The following IL23R variants were observed in gnomAD, a reference collection of about 807,000 sequenced individuals.
IL23R encodes the protein interleukin-23 receptor.
IL23R carries 34 observed loss-of-function variants against 56.9 expected under a neutral mutation model. The ratio of observed to expected loss-of-function variants is 0.60; its 90% CI spans 0.45 to 0.80. The LOEUF (loss-of-function observed/expected upper bound fraction) is 0.80, where lower values mean the gene tolerates loss of function less well. Ranked by LOEUF, IL23R falls within the 30% of genes least tolerant of loss-of-function variation. The pLI is 0.00. For synonymous variants in IL23R, 230 were observed against 249.2 expected, an observed-to-expected ratio of 0.92 and a Z score of 0.73; for missense variants, 635 against 730.0, an observed-to-expected ratio of 0.87 and a Z score of 1.50.
chr1:67,228,267 C>T (rs1192795345), intron 7 of IL23R, among the ~76,000 whole-genome samples: 1 of 148,610 alleles, frequency 6.7e-6, no homozygotes, highest in Admixed American at 6.8e-5. Flanking sequence ...GATCTCAGCT[C>T]ATAAGATCTG....
At chr1:67,189,826 G>A (rs1647613722) in intron 4 of IL23R, among the ~76,000 whole-genome samples, 1 of 152,112 alleles carries the variant, frequency 6.6e-6, no homozygotes, top group African/African-American at 2.4e-5. Flanking sequence ...AGGCGTGTTG[G>A]CGGGTGCCTG....
intron 5 of IL23R, among the ~76,000 whole-genome samples, chr1:67,204,819 C>T (rs747591256): frequency 2.0e-5 from 3 of 150,462 alleles, no homozygotes; most frequent in Non-Finnish European, 4.4e-5. Flanking sequence ...TGCTCTGTTA[C>T]CCAGGCTGGA....
intron 2 of IL23R, among the ~76,000 whole-genome samples, chr1:67,169,082 A>G (rs1198272389): frequency 1.4e-5 from 2 of 145,254 alleles, no homozygotes; most frequent in Non-Finnish European, 3.0e-5. Context: ...CGGATGTTGC[A>G]GTGAGCCGAG....
At position 67,207,008 on chromosome 1, in the gene IL23R, G is replaced by A. The variant is rs368389094; in HGVS notation, c.751G>A (p.Val251Ile). ...GGATAGTCAAACAACAATTGAAAAG[G>A]TTTCCTGTGAAATGAGATACAAGGC... ...YWDSQTTIEKVSCEMRYKATT... is the reference protein window; with the variant it reads ...YWDSQTTIEKISCEMRYKATT... Residue 251 changes from valine to isoleucine, a missense_variant, in exon 6 of 11, where the codon GTT becomes ATT. Transcript: ENST00000347310. The A allele has an allele frequency of 1.2e-6, 2 of 1,612,176 alleles. No homozygotes were observed. Among genetic ancestry groups the A allele is most frequent in the Admixed American group, 1.7e-5 (1 of 59,852 alleles).
chr1:67,209,888 G>A (rs1649338521), intron 6 of IL23R, among the ~76,000 whole-genome samples: 1 of 152,122 alleles, frequency 6.6e-6, no homozygotes, highest in Admixed American at 6.5e-5. Flanking sequence ...CCGACTAAGA[G>A]GAATCTAATT....
rs1653099467 is a variant in IL23R at position 67,258,976 on chromosome 1, C to T, written c.1738C>T (p.Pro580Ser). The change falls in exon 11 of 11, where the codon CCC becomes TCC. Residue 580 changes from proline to serine, a missense_variant. Physicochemically the swap from Pro to Ser is moderately conservative, Grantham distance 74. Coordinates refer to ENST00000347310, the MANE Select transcript of IL23R (RefSeq NM_144701.3). The part of the protein sequence containing the change: ...ETTMLLENDS[P>S]SETIPEQTLL... ...CACCATGCTTTTGGAAAATGATTCACCCAGTGAAACTATTCCAGAACAGAC... is the reference window on the plus strand; with the variant it reads ...CACCATGCTTTTGGAAAATGATTCATCCAGTGAAACTATTCCAGAACAGAC... The T allele has an allele frequency of 6.2e-7, 1 of 1,613,946 alleles. No individual in the cohort carries two copies. Among genetic ancestry groups the T allele is most frequent in the East Asian group, 2.2e-5 (1 of 44,884 alleles).
chr1:67,230,713 A>C (rs1203358835), intron 7 of IL23R, among the ~76,000 whole-genome samples: 1 of 152,130 alleles, frequency 6.6e-6, no homozygotes, highest in Middle Eastern at 3.2e-3. Context: ...AATCCACTAA[A>C]TGATTCATTG....
intron 3 of IL23R, among the ~76,000 whole-genome samples, chr1:67,170,408 AT>A (rs1172114789): frequency 1.3e-5 from 2 of 152,090 alleles, no homozygotes; most frequent in African/African-American, 4.8e-5. Flanking sequence ...GTAACTATTA[AT>A]TTTTTTCTTT....
chr1:67,195,799 A>C (rs1181599831), intron 4 of IL23R, among the ~76,000 whole-genome samples: 2 of 152,076 alleles, frequency 1.3e-5, no homozygotes, highest in Non-Finnish European at 2.9e-5. Flanking sequence ...AGTTTATATA[A>C]ATTATATAAA....
At chr1:67,257,139 T>A (rs1455579289) in intron 10 of IL23R, among the ~76,000 whole-genome samples, 1 of 152,196 alleles carries the variant, frequency 6.6e-6, no homozygotes, top group Non-Finnish European at 1.5e-5. Context: ...CTAAACTCCT[T>A]TCCTATTCTG....
chr1:67,236,670 G>C (rs1210258810), intron 7 of IL23R, 43 bp from the exon 8 acceptor site: 2 of 1,327,672 alleles, frequency 1.5e-6, no homozygotes, highest in African/African-American at 2.9e-5. Context: ...GGCAAGCAGA[G>C]TGCAAAATGT....
At chr1:67,257,295 T>C (rs1254846643) in intron 10 of IL23R, among the ~76,000 whole-genome samples, 3 of 152,172 alleles carry the variant, frequency 2.0e-5, no homozygotes, top group Non-Finnish European at 4.4e-5. Context: ...GGGAAGTCCA[T>C]GATCAAGGAG....
intron 3 of IL23R, among the ~76,000 whole-genome samples, chr1:67,173,227 G>T (rs561128169): frequency 3.3e-4 from 50 of 152,164 alleles, no homozygotes; most frequent in Non-Finnish European, 6.8e-4. Flanking sequence ...ATTATCATAA[G>T]CATACTCACA....
Position 67,206,157 on chromosome 1 carries a change from G to A in IL23R, c.653-753G>A, listed in dbSNP as rs376305150. ...CCTCCTGAGTAGCTGGGATTGGCAC[G>A]CACCACCACCACGCCGGGCTAATTT... is the stretch of plus-strand genomic sequence containing the variant. On this transcript the variant is annotated intron_variant, in intron 5 of 10. Transcript: ENST00000347310. Among the ~76,000 whole-genome samples the A allele has an allele frequency of 8.6e-5, 13 of 150,534 alleles. No individual in the cohort carries two copies. The South Asian group carries it at 1.3e-3, about 15-fold the overall frequency.
upstream of IL23R, among the ~76,000 whole-genome samples, chr1:67,165,231 C>T (rs1023041721): frequency 2.0e-5 from 3 of 151,962 alleles, no homozygotes; most frequent in African/African-American, 7.2e-5. Context: ...AAAACAACAA[C>T]CAAAACCAAA....
At chr1:67,242,721 G>T (rs1651932218) in intron 9 of IL23R, among the ~76,000 whole-genome samples, 1 of 152,178 alleles carries the variant, frequency 6.6e-6, no homozygotes, top group South Asian at 2.1e-4. Flanking sequence ...TTGGGTTCTA[G>T]ATTGTGAAGG....
intron 7 of IL23R, among the ~76,000 whole-genome samples, chr1:67,227,554 C>T (rs1228324688): frequency 6.6e-6 from 1 of 151,952 alleles, no homozygotes; most frequent in Non-Finnish European, 1.5e-5. Flanking sequence ...TGAAGATGCT[C>T]ATTAATTTTT....
chr1:67,185,497 A>G lies in IL23R; in HGVS notation c.491+2538A>G, dbSNP rs563335938. Among the ~76,000 whole-genome samples the G allele has an allele frequency of 3.9e-5, 6 of 152,136 alleles. No homozygotes were observed. In the East Asian group the frequency reaches 9.6e-4, roughly 24 times the overall value. ...GTCTCTGTCGCCCAGGCTGGAGTGC[A>G]GTGGCACAATCTCAGCTCACTGCAA... is the stretch of plus-strand genomic sequence containing the variant. On this transcript the variant is annotated intron_variant, in intron 4 of 10. Transcript: ENST00000347310.
intron 4 of IL23R, among the ~76,000 whole-genome samples, chr1:67,198,665 T>A (rs1380662485): frequency 6.6e-6 from 1 of 152,178 alleles, no homozygotes; most frequent in Non-Finnish European, 1.5e-5. Flanking sequence ...CCTTCATGGG[T>A]TGGGCGAGGT....
Sources: gnomAD v4.1 joint callset for allele counts (sites outside exome capture counted in the v4.1 genomes callset) on GRCh38, gnomAD v4.1.1 for gene constraint, MANE v1.5 for transcripts, NCBI Gene and HGNC (gene_info 2026-07-23, HGNC 2026-07-21) for gene names.